MKKS: variants seen among roughly 807,000 people sequenced by gnomAD.
MKKS encodes the protein MKKS centrosomal shuttling protein, also known as molecular chaperone MKKS.
In MKKS, 29 loss-of-function variants were observed where a neutral mutation model predicts 33.2. That is an observed-to-expected ratio of 0.87 (90% CI 0.65 to 1.19). The LOEUF is 1.19. Ranked by LOEUF, MKKS falls within the 50% of genes most tolerant of loss-of-function variation. The pLI, the probability that MKKS is intolerant of heterozygous loss-of-function variation, is 0.00. For synonymous variants in MKKS, 260 were observed against 244.0 expected, an observed-to-expected ratio of 1.07 and a Z score of -0.61; for missense variants, 661 against 662.3, an observed-to-expected ratio of 1.00 and a Z score of 0.02.
chr20:10,415,815 C>T (rs2064934192), intron 2 of MKKS, among the ~76,000 whole-genome samples: 1 of 152,168 alleles, frequency 6.6e-6, no homozygotes, highest in East Asian at 1.9e-4. Context: ...CTCTGTCAGT[C>T]TTACAGTAGT....
In MKKS at chr20:10,401,730, A is replaced by G. The variant is rs1409235798; in HGVS notation, c.*3517T>C. On this transcript the variant is annotated 3_prime_UTR_variant, in exon 6 of 6. Transcript: ENST00000347364. ...TATGGTTACTTCAAATTTCTTGTCT[A>G]CAATGTAAATGCCTAAGTAGCTTTG... 3 of 152,212 alleles carry G rather than the reference A, an allele frequency of 2.0e-5. No individual in the cohort carries two copies. Among genetic ancestry groups the G allele is most frequent in the Non-Finnish European group, 4.4e-5 (3 of 68,024 alleles). The allele number at this position is 152,212 out of a possible 1,614,324, so 9.4% of individuals were successfully genotyped here.
chr20:10,412,589 C>G lies in MKKS; in HGVS notation c.926G>C (p.Arg309Pro). ...PSLKQFLNMH[R>P]IIAIDRIGVT... is the part of the protein sequence containing the mutation. Reference sequence around the variant, plus strand: ...TCCAATTCTGTCTATGGCAATAATACGATGCATATTGAGAAACTGCTTCAA... The same window carrying G: ...TCCAATTCTGTCTATGGCAATAATAGGATGCATATTGAGAAACTGCTTCAA... Residue 309 changes from arginine (R) to proline (P), a missense_variant, in exon 3 of 6, where the codon CGT becomes CCT. Transcript: ENST00000347364. The G allele has an allele frequency of 6.2e-7, 1 of 1,613,940 alleles. No homozygotes were observed. Among genetic ancestry groups the G allele is most frequent in the Non-Finnish European group, 8.5e-7 (1 of 1,179,880 alleles).
intron 3 of MKKS, among the ~76,000 whole-genome samples, chr20:10,410,293 T>A (rs2064873674): frequency 6.6e-6 from 1 of 152,040 alleles, no homozygotes; most frequent in Non-Finnish European, 1.5e-5. Flanking sequence ...CAAGTGGGGA[T>A]AATAATGCAT....
At chr20:10,428,391 A>G (rs2065030780) in intron 1 of MKKS, among the ~76,000 whole-genome samples, 1 of 152,212 alleles carries the variant, frequency 6.6e-6, no homozygotes, top group African/African-American at 2.4e-5. Flanking sequence ...GAATCCCTAA[A>G]GAGCCCATTT....
At chr20:10,433,550 T>C (rs1287198487) in intron 1 of MKKS, among the ~76,000 whole-genome samples, 2 of 152,170 alleles carry the variant, frequency 1.3e-5, no homozygotes, top group African/African-American at 4.8e-5. Context: ...CAACAGGATT[T>C]GGGTATGGTC....
intron 3 of MKKS, among the ~76,000 whole-genome samples, chr20:10,410,790 C>CA (rs1449750680): frequency 6.6e-6 from 1 of 151,994 alleles, no homozygotes; most frequent in African/African-American, 2.4e-5. Flanking sequence ...TAGGTAAGGC[C>CA]AAAAACATAC....
intron 1 of MKKS, among the ~76,000 whole-genome samples, chr20:10,426,067 T>C (rs182333808): frequency 2.2e-3 from 340 of 152,346 alleles, no homozygotes; most frequent in Admixed American, 4.6e-3. Context: ...CTCTCAAAAG[T>C]ATGGTCTTAA....
At chr20:10,422,965 C>A (rs1346726174) in intron 1 of MKKS, among the ~76,000 whole-genome samples, 1 of 152,142 alleles carries the variant, frequency 6.6e-6, no homozygotes, top group East Asian at 1.9e-4. Flanking sequence ...CTCGCCTCGG[C>A]CTCCCAAAGT....
At position 10,407,595 on chromosome 20, in the gene MKKS, G is replaced by A. The variant is rs199586955; in HGVS notation, c.1272+21C>T. On this transcript the variant is annotated intron_variant, in intron 5 of 5. Coordinates refer to ENST00000347364, the MANE Select transcript of MKKS (RefSeq NM_170784.3). ...AAGTTGCTGAGAATTCAGGTAATCC[G>A]AAGAGGATTATCTTACATACCTTGT... The A allele has an allele frequency of 3.9e-5, 62 of 1,585,942 alleles. No homozygotes were observed. In the African/African-American group the frequency reaches 6.6e-4, roughly 17 times the overall value.
chr20:10,413,941 A>T lies in MKKS; in HGVS notation c.-417-10T>A. On this transcript the variant is annotated splice_polypyrimidine_tract_variant and intron_variant, in intron 2 of 5. Transcript: ENST00000347364. ...AAAGCTGCTTCTTTACCTAATAAAT[A>T]ATAAAAAAAACATTTTAGAGAAATA... is the stretch of plus-strand genomic sequence containing the variant. 2.5e-6 allele frequency: 1 copy of T among 405,692 alleles called. No individual in the cohort carries two copies. The highest frequency in any genetic ancestry group is 4.3e-6 in the Non-Finnish European group (1 of 230,150). The allele number at this position is 405,692 out of a possible 1,614,324, so 25.1% of individuals were successfully genotyped here.
At position 10,412,690 on chromosome 20, in the gene MKKS, C is replaced by A. The variant is rs1400647753; in HGVS notation, c.825G>T (p.Gln275His). Residue 275 changes from glutamine to histidine, a missense_variant, in exon 3 of 6, where the codon CAG (glutamine) becomes CAT (histidine). Gln to His is a conservative substitution (Grantham distance 24). Transcript: ENST00000347364. ...GVSLENAVLDQLLNLGRQLIS... is the reference protein window; with the variant it reads ...GVSLENAVLDHLLNLGRQLIS... ...TTAGCTGCCTTCCTAGGTTAAGCAG[C>A]TGGTCCAAGACTGCATTTTCAAGAG... 3.1e-6 allele frequency: 5 copies of A among 1,614,056 alleles called. No individual in the cohort carries two copies. In the African/African-American group the frequency reaches 4.0e-5, roughly 13 times the overall value.
intron 1 of MKKS, among the ~76,000 whole-genome samples, chr20:10,428,472 G>A (rs1285304360): frequency 2.0e-5 from 3 of 152,196 alleles, no homozygotes; most frequent in African/African-American, 7.2e-5. Context: ...CTATTGGCCA[G>A]AGGACATTAT....
At chr20:10,411,849 C>T (rs2064890091) in intron 3 of MKKS, among the ~76,000 whole-genome samples, 1 of 152,162 alleles carries the variant, frequency 6.6e-6, no homozygotes, top group Non-Finnish European at 1.5e-5. Context: ...TCTAACAGTA[C>T]TTATATCTGC....
At chr20:10,424,944 T>G (rs532133819) in intron 1 of MKKS, among the ~76,000 whole-genome samples, 112 of 151,782 alleles carry the variant, frequency 7.4e-4, no homozygotes, top group African/African-American at 2.6e-3. Context: ...TCCCAGCTAC[T>G]CGGGAGGCTG....
chr20:10,428,639 G>A (rs1276817568), intron 1 of MKKS, among the ~76,000 whole-genome samples: 3 of 152,114 alleles, frequency 2.0e-5, no homozygotes. Context: ...AGGATTTTGA[G>A]ACCAGTTTGG....
intron 1 of MKKS, among the ~76,000 whole-genome samples, chr20:10,431,468 G>A (rs1018074132): frequency 2.0e-5 from 3 of 151,800 alleles, no homozygotes; most frequent in South Asian, 2.1e-4. Flanking sequence ...GAGAATACAG[G>A]TTTGAGAAGA....
intron 2 of MKKS, among the ~76,000 whole-genome samples, chr20:10,416,196 A>G (rs924549530): frequency 1.3e-5 from 2 of 152,218 alleles, no homozygotes; most frequent in Non-Finnish European, 2.9e-5. Context: ...TTAAAATAAC[A>G]GTAAAACTTG....
chr20:10,412,921 C>T lies in MKKS; in HGVS notation c.594G>A (p.Lys198=). Residue 198 remains lysine, a synonymous_variant, in exon 3 of 6, where the codon AAG becomes AAA. Coordinates refer to ENST00000347364, the MANE Select transcript of MKKS (RefSeq NM_170784.3). ...ENAEGHIILG[K]SLIVPLKGQR... is the part of the protein sequence containing the mutation. ...GACCTTTTAAAGGTACAATTAAACT[C>T]TTTCCTAAAATGATGTGGCCTTCAG... is the stretch of plus-strand genomic sequence containing the variant. 1 of 1,613,600 alleles carries T rather than the reference C, an allele frequency of 6.2e-7. No homozygotes were observed. Among genetic ancestry groups the T allele is most frequent in the Non-Finnish European group, 8.5e-7 (1 of 1,179,778 alleles).
intron 2 of MKKS, among the ~76,000 whole-genome samples, chr20:10,416,896 A>G (rs1234602767): frequency 6.6e-6 from 1 of 152,176 alleles, no homozygotes; most frequent in Non-Finnish European, 1.5e-5. Context: ...GAGTGCTTTT[A>G]CACTACAACA....
Sources: gnomAD v4.1 joint callset for allele counts (sites outside exome capture counted in the v4.1 genomes callset) on GRCh38, gnomAD v4.1.1 for gene constraint, MANE v1.5 for transcripts, NCBI Gene and HGNC (gene_info 2026-07-23, HGNC 2026-07-21) for gene names.